MAGI1: variants seen among roughly 807,000 people sequenced by gnomAD.
MAGI1 encodes membrane associated guanylate kinase, WW and PDZ domain containing 1.
In MAGI1, 58 loss-of-function variants were observed where a neutral mutation model predicts 139.9. That is an observed-to-expected ratio of 0.41 (90% CI 0.34 to 0.52). The LOEUF is 0.52. Among genes scored for constraint, MAGI1 ranks in the 20% least tolerant of loss-of-function variants. MAGI1 has a pLI of 0.12. For synonymous variants in MAGI1, 812 were observed against 737.9 expected (o/e 1.10, Z -1.63); for missense variants, 1,874 against 1,901.6 (o/e 0.99, Z 0.27).
intron 1 of MAGI1, among the ~76,000 whole-genome samples, chr3:65,694,368 C>T (rs976466797): frequency 6.6e-6 from 1 of 152,162 alleles, no homozygotes; most frequent in Admixed American, 6.5e-5. Context: ...TCTACCCCAC[C>T]TGTCTGTTGT....
chr3:65,864,172 T>C (rs978607369), intron 1 of MAGI1, among the ~76,000 whole-genome samples: 6 of 152,320 alleles, frequency 3.9e-5, no homozygotes, highest in South Asian at 4.1e-4. Flanking sequence ...AAAAAGGTTA[T>C]ACCCATCTGT....
At chr3:65,612,047 C>T (rs879575282) in intron 2 of MAGI1, among the ~76,000 whole-genome samples, 3 of 152,048 alleles carry the variant, frequency 2.0e-5, no homozygotes, top group Admixed American at 2.0e-4. Flanking sequence ...TCTCTCTATA[C>T]TTTAATGAAC....
chr3:65,701,877 G>A (rs971415717), intron 1 of MAGI1, among the ~76,000 whole-genome samples: 3 of 152,186 alleles, frequency 2.0e-5, no homozygotes, highest in Admixed American at 6.5e-5. Flanking sequence ...ACTGGTAGCC[G>A]TGATAAAATT....
intron 2 of MAGI1, among the ~76,000 whole-genome samples, chr3:65,603,716 C>A (rs1482543436): frequency 1.3e-5 from 2 of 152,148 alleles, no homozygotes; most frequent in Non-Finnish European, 1.5e-5. Context: ...CTGAGACAGT[C>A]GTTTATAAAG....
rs575402420 is a variant in MAGI1, at chr3:65,534,605, C to G, written c.431-40974G>C. Among the ~76,000 whole-genome samples the G allele has an allele frequency of 1.4e-4, 22 of 152,284 alleles. No individual in the cohort carries two copies. The East Asian group carries it at 2.3e-3, about 16-fold the overall frequency. On this transcript the variant is annotated intron_variant, in intron 2 of 22. Transcript: ENST00000402939. ...CATAACCATTCCATGCCACAGTTCG[C>G]TGAGAGCTAACATGACAAACAAACA...
chr3:65,633,951 G>C (rs553530222), intron 1 of MAGI1, among the ~76,000 whole-genome samples: 9 of 152,258 alleles, frequency 5.9e-5, no homozygotes, highest in African/African-American at 2.2e-4. Context: ...CTAAATTCTT[G>C]AAAAGATACT....
chr3:65,782,000 G>A (rs1384315920), intron 1 of MAGI1, among the ~76,000 whole-genome samples: 5 of 152,170 alleles, frequency 3.3e-5, no homozygotes, highest in African/African-American at 1.2e-4. Flanking sequence ...CATATATTCT[G>A]GGGGATGGCA....
At chr3:65,505,209 A>G (rs1486926407) in intron 2 of MAGI1, among the ~76,000 whole-genome samples, 2 of 152,192 alleles carry the variant, frequency 1.3e-5, no homozygotes, top group South Asian at 2.1e-4. Context: ...TTTGTGTAAA[A>G]TGGAATGAAC....
At chr3:65,864,155 A>G (rs2059643369) in intron 1 of MAGI1, among the ~76,000 whole-genome samples, 1 of 152,222 alleles carries the variant, frequency 6.6e-6, no homozygotes, top group Non-Finnish European at 1.5e-5. Flanking sequence ...GCATGATCCT[A>G]TTTTGTAAAA....
At chr3:65,362,800 C>G (rs550852973) in intron 21 of MAGI1, among the ~76,000 whole-genome samples, 1 of 152,158 alleles carries the variant, frequency 6.6e-6, no homozygotes. Flanking sequence ...TGTGACCTAT[C>G]TATGGGTAGA....
intron 2 of MAGI1, among the ~76,000 whole-genome samples, chr3:65,611,517 T>G (rs1351629878): frequency 6.8e-6 from 1 of 146,048 alleles, no homozygotes; most frequent in African/African-American, 2.5e-5. Flanking sequence ...TATATGTACA[T>G]ACAGCAGATA....
At chr3:65,525,058 C>T (rs2078323256) in intron 2 of MAGI1, among the ~76,000 whole-genome samples, 1 of 152,134 alleles carries the variant, frequency 6.6e-6, no homozygotes, top group Non-Finnish European at 1.5e-5. Context: ...CCCTTGGCTC[C>T]AGCACCCTCA....
chr3:65,718,206 T>G lies in MAGI1; in HGVS notation c.314-96118A>C, dbSNP rs563222927. On this transcript the variant is annotated intron_variant, in intron 1 of 22. Transcript: ENST00000402939. Reference sequence around the variant, plus strand: ...ATCATACTGGTCAACACAAACTTTTTTTTTTAGAGAAAGCCATGACCGGGC... The same window carrying G: ...ATCATACTGGTCAACACAAACTTTTGTTTTTAGAGAAAGCCATGACCGGGC... 5.3e-5 allele frequency among the ~76,000 whole-genome samples: 8 copies of G among 152,264 alleles called. No homozygotes were observed. In the South Asian group the frequency reaches 1.7e-3, roughly 32 times the overall value.
chr3:65,588,629 C>A (rs1423161404), intron 2 of MAGI1, among the ~76,000 whole-genome samples: 1 of 152,136 alleles, frequency 6.6e-6, no homozygotes, highest in Admixed American at 6.5e-5. Flanking sequence ...AATAACATCT[C>A]TGAGTTCTCT....
intron 2 of MAGI1, among the ~76,000 whole-genome samples, chr3:65,619,484 G>C (rs2083554894): frequency 6.6e-6 from 1 of 152,122 alleles, no homozygotes; most frequent in Non-Finnish European, 1.5e-5. Context: ...CTGTTCATGA[G>C]GTCACCTCTG....
chr3:65,786,843 C>G (rs1049405211), intron 1 of MAGI1, among the ~76,000 whole-genome samples: 1 of 151,970 alleles, frequency 6.6e-6, no homozygotes, highest in Non-Finnish European at 1.5e-5. Context: ...TCTCGATTTC[C>G]TGACCTCGTG....
chr3:65,504,937 A>C (rs1326530019), intron 2 of MAGI1, among the ~76,000 whole-genome samples: 2 of 152,200 alleles, frequency 1.3e-5, no homozygotes, highest in African/African-American at 4.8e-5. Flanking sequence ...TCAGGTTGTA[A>C]CTGATTCATT....
At chr3:65,909,263 G>A (rs191317983) in intron 1 of MAGI1, among the ~76,000 whole-genome samples, 1 of 151,946 alleles carries the variant, frequency 6.6e-6, no homozygotes, top group Non-Finnish European at 1.5e-5. Flanking sequence ...GGTGGCTCAT[G>A]CCTGTAATCT....
intron 5 of MAGI1, among the ~76,000 whole-genome samples, chr3:65,468,267 G>A (rs1950298469): frequency 6.6e-6 from 1 of 151,400 alleles, no homozygotes; most frequent in African/African-American, 2.4e-5. Flanking sequence ...CATGAAGACA[G>A]AAACATGGGT....
Sources: allele counts gnomAD v4.1 joint callset (sites outside exome capture counted in the v4.1 genomes callset), GRCh38; gene constraint gnomAD v4.1.1; transcripts MANE v1.5; gene names NCBI Gene and HGNC (gene_info 2026-07-23, HGNC 2026-07-21).